Variants in ARHGAP20 observed in about 807,000 individuals in gnomAD.
ARHGAP20 encodes the protein rho GTPase-activating protein 20.
ARHGAP20 carries 34 observed loss-of-function variants against 73.7 expected under a neutral mutation model. The ratio of observed to expected loss-of-function variants is 0.46; its 90% CI spans 0.35 to 0.61. The LOEUF (loss-of-function observed/expected upper bound fraction) is 0.61, where lower values mean the gene tolerates loss of function less well. ARHGAP20 is among the 20% of genes least tolerant of loss of function. The pLI, the probability that ARHGAP20 is intolerant of heterozygous loss-of-function variation, is 0.00. For synonymous variants in ARHGAP20, 523 were observed against 518.2 expected, an observed-to-expected ratio of 1.01 and a Z score of -0.13; for missense variants, 1,314 against 1,420.9, an observed-to-expected ratio of 0.92 and a Z score of 1.21.
chr11:110,615,043 G>A (rs887781250), intron 5 of ARHGAP20, among the ~76,000 whole-genome samples: 1 of 152,128 alleles, frequency 6.6e-6, no homozygotes, highest in South Asian at 2.1e-4. Flanking sequence ...TCCCCAGTAG[G>A]GTGTAAATCT....
intron 4 of ARHGAP20, 81 bp from the exon 5 acceptor site, chr11:110,615,675 T>C (rs1948468278): frequency 7.7e-7 from 1 of 1,290,542 alleles, no homozygotes; most frequent in Non-Finnish European, 1.1e-6. Context: ...TCAATCCAGA[T>C]GAAAATATCA....
In ARHGAP20 at chr11:110,678,889, T is replaced by G. The variant is rs183415306; in HGVS notation, c.188+11658A>C. The stretch of plus-strand genomic sequence containing the variant: ...CACGTTGCCCAGGCTGGTCTTGAAC[T>G]CCTGAGCTCATGCAATTCCACCCGC... On this transcript the variant is annotated intron_variant, in intron 2 of 14. Coordinates refer to ENST00000683387, the MANE Select transcript of ARHGAP20 (RefSeq NM_001384657.1). 2.0e-5 allele frequency among the ~76,000 whole-genome samples: 3 copies of G among 152,232 alleles called. No homozygotes were observed. The East Asian group carries it at 5.8e-4, about 29-fold the overall frequency.
intron 2 of ARHGAP20, among the ~76,000 whole-genome samples, chr11:110,649,991 C>G (rs1839543766): frequency 6.6e-6 from 1 of 152,114 alleles, no homozygotes; most frequent in Admixed American, 6.6e-5. Context: ...TTTCTCCTCT[C>G]TGAGCACATA....
chr11:110,689,061 C>T (rs567776036), intron 2 of ARHGAP20, among the ~76,000 whole-genome samples: 277 of 150,036 alleles, frequency 1.8e-3, no homozygotes, highest in African/African-American at 6.6e-3. Context: ...TGCAGTGGCA[C>T]GATCTCGGCT....
At position 110,580,942 on chromosome 11, in the gene ARHGAP20, G is replaced by C; in HGVS notation, c.2004C>G (p.Ile668Met). 6.2e-7 allele frequency: 1 copy of C among 1,614,170 alleles called. No individual in the cohort carries two copies. The highest frequency in any genetic ancestry group is 8.5e-7 in the Non-Finnish European group (1 of 1,179,978). Residue 668 changes from isoleucine (I) to methionine (M), a missense_variant, in exon 15 of 15, where the codon ATC (isoleucine) becomes ATG (methionine). By Grantham distance (10) the Ile-to-Met change is conservative. Coordinates refer to ENST00000683387, the MANE Select transcript of ARHGAP20 (RefSeq NM_001384657.1). ...GGGCCCTGGCATGATCCCGCAGTGGGATCTTTGTGTACACTAAAATGTTCA... is the reference window on the plus strand; with the variant it reads ...GGGCCCTGGCATGATCCCGCAGTGGCATCTTTGTGTACACTAAAATGTTCA... Reference protein sequence around the residue: ...KPVNILVYTKIPLRDHARAPS... With the variant: ...KPVNILVYTKMPLRDHARAPS...
chr11:110,593,773 G>C (rs1947886100), intron 9 of ARHGAP20, among the ~76,000 whole-genome samples: 1 of 152,234 alleles, frequency 6.6e-6, no homozygotes, highest in Non-Finnish European at 1.5e-5. Flanking sequence ...AACCCCTGAA[G>C]CTTGCATTCA....
rs184412054 is a variant in ARHGAP20, at chr11:110,627,515, A to G, written c.353+3113T>C. The stretch of plus-strand genomic sequence containing the variant: ...ATTCCAGTGAATTGATGAAATACAC[A>G]GGATTCCAGGGAGATTTCTCCCCAT... On this transcript the variant is annotated intron_variant, in intron 3 of 14. Coordinates refer to ENST00000683387, the MANE Select transcript of ARHGAP20 (RefSeq NM_001384657.1). Among the ~76,000 whole-genome samples, 87 of 152,342 alleles carry G rather than the reference A, an allele frequency of 5.7e-4. No individual in the cohort carries two copies. The East Asian group carries it at 0.015, about 26-fold the overall frequency.
At position 110,579,951 on chromosome 11, in the gene ARHGAP20, A is replaced by C. The variant is rs759634070; in HGVS notation, c.2995T>G (p.Ser999Ala). The change falls in exon 15 of 15, where the codon TCC becomes GCC. Residue 999 changes from serine (S) to alanine (A), a missense_variant. Physicochemically the swap from Ser to Ala is moderately conservative, Grantham distance 99 (BLOSUM62 1). Coordinates refer to ENST00000683387, the MANE Select transcript of ARHGAP20 (RefSeq NM_001384657.1). ...SPDFSNASHV[S>A]GMPGPSSGQA... ...CCTGATGAGGGACCGGGCATTCCGG[A>C]AACATGGCTGGCATTGCTAAAGTCA... The C allele has an allele frequency of 6.8e-6, 11 of 1,614,114 alleles. No homozygotes were observed. Among genetic ancestry groups the C allele is most frequent in the Non-Finnish European group, 8.5e-6 (10 of 1,180,050 alleles).
chr11:110,665,062 C>T (rs922291267), intron 2 of ARHGAP20, among the ~76,000 whole-genome samples: 2 of 152,004 alleles, frequency 1.3e-5, no homozygotes, highest in South Asian at 2.1e-4. Flanking sequence ...AACAGAAAGA[C>T]ACTAGGGAAG....
rs143084924 is a variant in ARHGAP20 at position 110,637,293 on chromosome 11, G to A, written c.189-6501C>T. Among the ~76,000 whole-genome samples, 775 of 152,048 alleles carry A rather than the reference G, an allele frequency of 5.1e-3. 10 individuals are homozygous for A. Among genetic ancestry groups the A allele is most frequent in the South Asian group, 5.8e-3 (28 of 4,826 alleles). ...TTATTAGTAATCAATTAGAGATTAC[G>A]ATAACAAGTACTAGATAGGATCTGG... On this transcript the variant is annotated intron_variant, in intron 2 of 14. Transcript: ENST00000683387.
At position 110,712,325 on chromosome 11, in the gene ARHGAP20, G is replaced by A. The variant is rs1950684684; in HGVS notation, c.-94C>T. ...GGAGGGGCGAGGACGCGCGGGCGGA[G>A]GCGCGGCTGCCGTGCTCAGGCAGGG... On this transcript the variant is annotated 5_prime_UTR_variant, in exon 1 of 15. Transcript: ENST00000683387. 3.7e-6 allele frequency: 4 copies of A among 1,087,384 alleles called. No individual in the cohort carries two copies. Among genetic ancestry groups the A allele is most frequent in the South Asian group, 3.9e-5 (1 of 25,550 alleles). 67.4% of individuals were successfully genotyped at this position (1,087,384 alleles called of 1,614,324 possible). A position where few individuals can be genotyped will look rare whatever the true frequency, so the allele number is the denominator to read the frequency against.
At position 110,588,895 on chromosome 11, in the gene ARHGAP20, C is replaced by T. The variant is rs1249085542; in HGVS notation, c.1305+1753G>A. Among the ~76,000 whole-genome samples the T allele has an allele frequency of 3.3e-5, 5 of 151,900 alleles. No individual in the cohort carries two copies. In the South Asian group the frequency reaches 6.2e-4, roughly 19 times the overall value. On this transcript the variant is annotated intron_variant, in intron 11 of 14. Coordinates refer to ENST00000683387, the MANE Select transcript of ARHGAP20 (RefSeq NM_001384657.1). ...GACCATCCTGGCTAACACAGTGAAA[C>T]CCCGTCTCTACTAAAAATACAAAAA...
intron 2 of ARHGAP20, among the ~76,000 whole-genome samples, chr11:110,634,326 A>C (rs1438045104): frequency 6.6e-6 from 1 of 152,158 alleles, no homozygotes; most frequent in Non-Finnish European, 1.5e-5. Flanking sequence ...AGGATTCTAA[A>C]GTGGGTACAG....
At chr11:110,583,511 C>A in intron 13 of ARHGAP20, 37 bp downstream of exon 13, 1 of 1,485,218 alleles carries the variant, frequency 6.7e-7, no homozygotes, top group Non-Finnish European at 9.0e-7. Flanking sequence ...AACGGGGACT[C>A]AGTCTCCCAG....
rs1950678647 is a variant in ARHGAP20 at position 110,712,149 on chromosome 11, G to A, written c.83C>T (p.Ala28Val). The A allele has an allele frequency of 7.4e-7, 1 of 1,360,516 alleles. No homozygotes were observed. Among genetic ancestry groups the A allele is most frequent in the South Asian group, 2.3e-5 (1 of 43,846 alleles). 84.3% of individuals were successfully genotyped at this position (1,360,516 alleles called of 1,614,324 possible). A position where few individuals can be genotyped will look rare whatever the true frequency, so the allele number is the denominator to read the frequency against. The change falls in exon 1 of 15, where the codon GCG (alanine) becomes GTG (valine). Residue 28 changes from alanine (A) to valine (V), a missense_variant. This residue lies in a region of ARHGAP20 where 443 missense variants were observed against 466.4 expected (regional missense o/e 0.95). Coordinates refer to ENST00000683387, the MANE Select transcript of ARHGAP20 (RefSeq NM_001384657.1). ...SSSLTGVSRL[A>V]GGSCTKKKMK... ...CACCTTCTTGGTGCAGCTGCCTCCC[G>A]CGAGCCGAGACACTCCTGTCAGGGA...
In ARHGAP20 at chr11:110,578,438, G is replaced by T. The variant is rs555015941; in HGVS notation, c.*932C>A. 7 of 985,432 alleles carry T rather than the reference G, an allele frequency of 7.1e-6. No homozygotes were observed. In the South Asian group the frequency reaches 2.8e-4, roughly 40 times the overall value. The allele number at this position is 985,432 out of a possible 1,614,324, so 61.0% of individuals were successfully genotyped here. On this transcript the variant is annotated 3_prime_UTR_variant, in exon 15 of 15. Coordinates refer to ENST00000683387, the MANE Select transcript of ARHGAP20 (RefSeq NM_001384657.1). ...GGCAGGACTGTGCAGAAACATTTCAGCAAAGTGATGCCATGGTTTGATCAC... is the reference window on the plus strand; with the variant it reads ...GGCAGGACTGTGCAGAAACATTTCATCAAAGTGATGCCATGGTTTGATCAC...
rs1948812615 is a variant in ARHGAP20, at chr11:110,629,286, C to A, written c.353+1342G>T. On this transcript the variant is annotated intron_variant, in intron 3 of 14. Transcript: ENST00000683387. ...AGCCCTGCCATTTCTTAGTATATAA[C>A]AAACCTTCCTGAGCCTCAGTGTTCA... is the stretch of plus-strand genomic sequence containing the variant. Among the ~76,000 whole-genome samples, 4 of 152,170 alleles carry A rather than the reference C, an allele frequency of 2.6e-5. 1 individual carries two copies. Among genetic ancestry groups the A allele is most frequent in the Admixed American group, 2.6e-4 (4 of 15,274 alleles).
intron 1 of ARHGAP20, among the ~76,000 whole-genome samples, chr11:110,706,496 T>A (rs1950554928): frequency 6.6e-6 from 1 of 152,186 alleles, no homozygotes; most frequent in Admixed American, 6.5e-5. Context: ...ATTTATGGCT[T>A]CCAATGATGA....
At chr11:110,595,924 T>C (rs1947947070) in intron 9 of ARHGAP20, among the ~76,000 whole-genome samples, 1 of 152,064 alleles carries the variant, frequency 6.6e-6, no homozygotes, top group Non-Finnish European at 1.5e-5. Flanking sequence ...CAAAACAGCA[T>C]GGTACTGGTA....
Sources: gnomAD v4.1 joint callset for allele counts (sites outside exome capture counted in the v4.1 genomes callset) on GRCh38, gnomAD v4.1.1 for gene constraint, gnomAD v4.1.1 regional missense constraint, MANE v1.5 for transcripts, NCBI Gene and HGNC (gene_info 2026-07-23, HGNC 2026-07-21) for gene names.